The following PSMD11 variants were observed in gnomAD, a reference collection of about 807,000 sequenced individuals.
The protein encoded by PSMD11 is 26S proteasome non-ATPase regulatory subunit 11.
A neutral mutation model predicts 62.3 loss-of-function variants in PSMD11; 5 were observed. The ratio of observed to expected loss-of-function variants is 0.08; its 90% CI spans 0.04 to 0.17. The LOEUF (loss-of-function observed/expected upper bound fraction) is 0.17, where lower values mean the gene tolerates loss of function less well. Among genes scored for constraint, PSMD11 ranks in the 10% least tolerant of loss-of-function variants. The probability of loss-of-function intolerance (pLI) is 1.00; values close to 1 mark genes in which losing one functional copy is unlikely to be tolerated. For missense variants in PSMD11, 310 were observed against 512.9 expected, an observed-to-expected ratio of 0.60 and a Z score of 3.82; for synonymous variants, 191 against 191.8, an observed-to-expected ratio of 1.00 and a Z score of 0.03.
At chr17:32,454,421 G>T (rs749356244) in intron 2 of PSMD11, 74 bp from the exon 3 acceptor site, 116 of 1,499,266 alleles carry the variant, frequency 7.7e-5, no homozygotes, top group Non-Finnish European at 9.8e-5. Flanking sequence ...TATGACGTTG[G>T]GTCAGTTTCT....
At chr17:32,466,642 G>T (rs923075075) in intron 5 of PSMD11, among the ~76,000 whole-genome samples, 9 of 152,172 alleles carry the variant, frequency 5.9e-5, no homozygotes, top group Non-Finnish European at 1.2e-4. Flanking sequence ...ATGTGGACAT[G>T]TTCTTCTGGG....
At chr17:32,462,721 T>C (rs1159721763) in intron 3 of PSMD11, among the ~76,000 whole-genome samples, 1 of 152,214 alleles carries the variant, frequency 6.6e-6, no homozygotes, top group Admixed American at 6.5e-5. Context: ...AGTTTCACTC[T>C]TGTTGCCCAG....
intron 3 of PSMD11, among the ~76,000 whole-genome samples, chr17:32,462,876 C>T (rs1597836277): frequency 6.6e-6 from 1 of 152,084 alleles, no homozygotes; most frequent in Non-Finnish European, 1.5e-5. Flanking sequence ...TTAGTAAAGA[C>T]AGGATTTCTC....
chr17:32,479,458 A>T (rs747991206), intron 10 of PSMD11, 82 bp downstream of exon 10: 1 of 1,551,044 alleles, frequency 6.4e-7, no homozygotes, highest in African/African-American at 1.4e-5. Flanking sequence ...CAGAATGGGA[A>T]CTCACTTCTA....
chr17:32,473,718 A>G, intron 6 of PSMD11, 83 bp from the exon 7 acceptor site: 1 of 1,437,842 alleles, frequency 7.0e-7, no homozygotes, highest in Non-Finnish European at 9.6e-7. Context: ...CCATTTAGGT[A>G]GATGTCTAAG....
At chr17:32,459,936 G>A (rs762259763) in intron 3 of PSMD11, among the ~76,000 whole-genome samples, 1 of 152,124 alleles carries the variant, frequency 6.6e-6, no homozygotes, top group Middle Eastern at 3.4e-3. Flanking sequence ...CTTGTTCTTA[G>A]TTCTTTTAAA....
chr17:32,472,230 T>G (rs1481450399), intron 6 of PSMD11, among the ~76,000 whole-genome samples: 3 of 151,758 alleles, frequency 2.0e-5, no homozygotes, highest in African/African-American at 2.4e-5. Flanking sequence ...GTAGAGTTTT[T>G]TTTTTTTTTT....
chr17:32,457,903 C>A (rs1907697755), intron 3 of PSMD11, among the ~76,000 whole-genome samples: 1 of 151,772 alleles, frequency 6.6e-6, no homozygotes, highest in Non-Finnish European at 1.5e-5. Flanking sequence ...TGGGTTCAAG[C>A]AATTCTCCTG....
Position 32,454,415 on chromosome 17 carries a change from A to G in PSMD11, c.194-80A>G. 4.2e-6 allele frequency: 6 copies of G among 1,444,140 alleles called. No individual in the cohort carries two copies. The South Asian group carries it at 5.0e-5, about 12-fold the overall frequency. 89.5% of individuals were successfully genotyped at this position (1,444,140 alleles called of 1,614,324 possible). On this transcript the variant is annotated intron_variant, in intron 2 of 13. Coordinates refer to ENST00000261712, the MANE Select transcript of PSMD11 (RefSeq NM_002815.4). ...AGTGATGTAAGTACCGATTTTTATG[A>G]CGTTGGGTCAGTTTCTTAAGTGGGT...
chr17:32,473,607 G>T (rs562931826), intron 6 of PSMD11, among the ~76,000 whole-genome samples, 194 bp from the exon 7 acceptor site: 1 of 151,268 alleles, frequency 6.6e-6, no homozygotes, highest in Admixed American at 6.6e-5. Flanking sequence ...AAGAGATGGG[G>T]TCTTACTATG....
At position 32,445,540 on chromosome 17, in the gene PSMD11, T is replaced by A. The variant is rs555559405; in HGVS notation, c.91+926T>A. ...CGGCAGCTTTCTGTTGGGATTCAAG[T>A]GTGAACAGAAATTTATTACGACAGA... On this transcript the variant is annotated intron_variant, in intron 1 of 13. Coordinates refer to ENST00000261712, the MANE Select transcript of PSMD11 (RefSeq NM_002815.4). 8 of 152,370 alleles carry A rather than the reference T, an allele frequency of 5.3e-5. No individual in the cohort carries two copies. In the South Asian group the frequency reaches 1.7e-3, roughly 32 times the overall value. The allele number at this position is 152,370 out of a possible 1,614,324, so 9.4% of individuals were successfully genotyped here.
At chr17:32,450,468 T>C (rs1415655464) in intron 2 of PSMD11, among the ~76,000 whole-genome samples, 3 of 148,128 alleles carry the variant, frequency 2.0e-5, no homozygotes, top group Non-Finnish European at 3.0e-5. Flanking sequence ...GGTTTCACCA[T>C]GTTGGCCAGG....
At chr17:32,474,703 C>G in intron 7 of PSMD11, 61 bp from the exon 8 acceptor site, 1 of 1,555,528 alleles carries the variant, frequency 6.4e-7, no homozygotes, top group Non-Finnish European at 8.9e-7. Context: ...GAAATTTGCC[C>G]AAACCTTCCT....
At chr17:32,469,337 T>G in intron 6 of PSMD11, 144 bp downstream of exon 6, 1 of 805,220 alleles carries the variant, frequency 1.2e-6, no homozygotes, top group African/African-American at 1.7e-5. Flanking sequence ...AAGCTACCTT[T>G]CTAACTAGCT....
At chr17:32,451,326 A>G (rs943505042) in intron 2 of PSMD11, among the ~76,000 whole-genome samples, 3 of 152,150 alleles carry the variant, frequency 2.0e-5, no homozygotes, top group Admixed American at 6.5e-5. Flanking sequence ...CAAAAGATAG[A>G]AATAACAGCA....
chr17:32,468,893 GA>G, intron 5 of PSMD11, 105 bp from the exon 6 acceptor site: 5 of 1,038,726 alleles, frequency 4.8e-6, no homozygotes, highest in East Asian at 2.7e-5. Context: ...TTGAGTTCAG[GA>G]ATTTTTTTTT....
At chr17:32,477,693 A>G in intron 9 of PSMD11, 110 bp downstream of exon 9, 1 of 983,266 alleles carries the variant, frequency 1.0e-6, no homozygotes, top group Non-Finnish European at 1.5e-6. Context: ...GTTGCAAATG[A>G]TTCCATGTAT....
chr17:32,477,327 A>G (rs957901574), intron 8 of PSMD11, 194 bp from the exon 9 acceptor site: 15 of 422,572 alleles, frequency 3.5e-5, no homozygotes, highest in Non-Finnish European at 5.4e-5. Flanking sequence ...TCAGGTTTCA[A>G]AGGGAAACAG....
rs1404631216 is a variant in PSMD11, at chr17:32,480,561, C to T, written c.1199C>T (p.Ala400Val). The change falls in exon 13 of 14, where the codon GCT (alanine) becomes GTT (valine). Residue 400 changes from alanine (A) to valine (V), a missense_variant. Around this residue, in one of 6 missense-constraint regions of PSMD11, gnomAD observed 135 missense variants for 195.4 expected, o/e 0.69. Transcript: ENST00000261712. ...CCAGTAGATAAAACTTACGAAGCTG[C>T]TCTGGAAACAATTCAGAACATGAGC... ...EPPVDKTYEA[A>V]LETIQNMSKV... 6.2e-7 allele frequency: 1 copy of T among 1,614,064 alleles called. No individual in the cohort carries two copies. The highest frequency in any genetic ancestry group is 2.2e-5 in the East Asian group (1 of 44,882).
Sources: allele counts gnomAD v4.1 joint callset (sites outside exome capture counted in the v4.1 genomes callset), GRCh38; gene constraint gnomAD v4.1.1; regional missense constraint gnomAD v4.1.1; transcripts MANE v1.5; gene names NCBI Gene and HGNC (gene_info 2026-07-23, HGNC 2026-07-21).